Variants in CAST observed in about 807,000 individuals in gnomAD.
CAST encodes MIR583 host.
A neutral mutation model predicts 119.6 loss-of-function variants in CAST; 76 were observed. That is an observed-to-expected ratio of 0.64 (90% CI 0.53 to 0.77). The LOEUF is 0.77. CAST is among the 30% of genes least tolerant of loss of function. CAST has a pLI of 0.00. For synonymous variants in CAST, 319 were observed against 331.6 expected (o/e 0.96, Z 0.41); for missense variants, 953 against 946.5 (o/e 1.01, Z -0.09).
At chr5:96,654,369 A>G (rs903255337) in intron 1 of CAST, among the ~76,000 whole-genome samples, 2 of 151,760 alleles carry the variant, frequency 1.3e-5, no homozygotes, top group African/African-American at 4.8e-5. Context: ...TTTCACTTTC[A>G]CTACTTTCCT....
At chr5:96,135,976 G>A in the CAST span, among the ~76,000 whole-genome samples, 5 of 152,150 alleles carry the variant, frequency 3.3e-5, no homozygotes, top group East Asian at 1.9e-4. Context: ...CAGGAGAATC[G>A]CTTGAACCTG....
At chr5:96,167,969 T>C in the CAST span, among the ~76,000 whole-genome samples, 1 of 152,178 alleles carries the variant, frequency 6.6e-6, no homozygotes, top group Non-Finnish European at 1.5e-5. Flanking sequence ...TAAGGATAGA[T>C]TTCCACCATG....
Position 96,774,379 on chromosome 5 carries a change from G to C in CAST, c.*1763G>C. On this transcript the variant is annotated 3_prime_UTR_variant, in exon 32 of 32. Transcript: ENST00000675179. ...CTTTTTTAATTAGAAATATCTTCGAGACTTGGGTGTTTGTTAATAACTAAT... is the reference window on the plus strand; with the variant it reads ...CTTTTTTAATTAGAAATATCTTCGACACTTGGGTGTTTGTTAATAACTAAT... The C allele has an allele frequency of 2.9e-6, 1 of 342,002 alleles. No individual in the cohort carries two copies. Among genetic ancestry groups the C allele is most frequent in the Non-Finnish European group, 4.2e-6 (1 of 239,950 alleles). The allele number at this position is 342,002 out of a possible 1,614,324, so 21.2% of individuals were successfully genotyped here.
the CAST span, among the ~76,000 whole-genome samples, chr5:95,984,764 T>C: frequency 6.6e-6 from 1 of 152,198 alleles, no homozygotes; most frequent in Admixed American, 6.5e-5. Context: ...TAGATACAAG[T>C]ACTGAGTACT....
chr5:96,642,792 G>A lies in CAST; in HGVS notation c.61-32747G>A, dbSNP rs950487200. On this transcript the variant is annotated intron_variant, in intron 1 of 11. Transcript: ENST00000505143. Reference sequence around the variant, plus strand: ...TCAAACTCCTAACCTCAAGTGATCCGCCCACCTAGGCCTTCCAAAGTGCTG... The same window carrying A: ...TCAAACTCCTAACCTCAAGTGATCCACCCACCTAGGCCTTCCAAAGTGCTG... 5.9e-5 allele frequency among the ~76,000 whole-genome samples: 9 copies of A among 151,950 alleles called. No individual in the cohort carries two copies. In the East Asian group the frequency reaches 7.7e-4, roughly 13 times the overall value.
At chr5:96,407,444 G>A in the CAST span, among the ~76,000 whole-genome samples, 1 of 152,148 alleles carries the variant, frequency 6.6e-6, no homozygotes, top group East Asian at 1.9e-4. Flanking sequence ...AATAAAAGTA[G>A]TTTTGACAAG....
At chr5:96,552,355 G>A (rs1746149732) in intron 1 of CAST, among the ~76,000 whole-genome samples, 1 of 152,176 alleles carries the variant, frequency 6.6e-6, no homozygotes, top group South Asian at 2.1e-4. Flanking sequence ...AAATAAAGAT[G>A]TTCTTTGAAG....
chr5:96,560,437 A>C (rs1003792062), intron 1 of CAST, among the ~76,000 whole-genome samples: 1 of 151,734 alleles, frequency 6.6e-6, no homozygotes, highest in Admixed American at 6.6e-5. Context: ...AAATGGGAGA[A>C]AATTTTTGCA....
chr5:96,222,015 A>T, the CAST span, among the ~76,000 whole-genome samples: 1 of 152,140 alleles, frequency 6.6e-6, no homozygotes, highest in African/African-American at 2.4e-5. Flanking sequence ...GGGAAAGGAC[A>T]TGCTTTTTAA....
the CAST span, among the ~76,000 whole-genome samples, chr5:95,977,070 A>G: frequency 1.3e-5 from 2 of 152,228 alleles, no homozygotes; most frequent in Non-Finnish European, 2.9e-5. Flanking sequence ...ATTAATATTT[A>G]TGTGTCTAGA....
intron 1 of CAST, among the ~76,000 whole-genome samples, chr5:96,603,730 G>GTAC (rs1347120260): frequency 7.0e-6 from 1 of 142,540 alleles, no homozygotes; most frequent in African/African-American, 2.6e-5. Context: ...CAAGTATTAT[G>GTAC]TACTGTACAT....
At chr5:96,529,712 C>A, upstream of CAST, 1 of 341,676 alleles carries the variant, frequency 2.9e-6, no homozygotes. Context: ...GGGCAGTTTC[C>A]CCCATCCTGT....
the CAST span, among the ~76,000 whole-genome samples, chr5:96,467,383 T>A: frequency 0.43 from 65,505 of 151,834 alleles, 14,283 homozygotes; most frequent in East Asian, 0.51. Flanking sequence ...GTATTTTGAA[T>A]AAGTTAGAAA....
At chr5:95,980,556 T>C in the CAST span, 1 of 152,216 alleles carries the variant, frequency 6.6e-6, no homozygotes, top group Non-Finnish European at 1.5e-5. Flanking sequence ...AATTAAAATA[T>C]GAAGCTTTTT....
chr5:96,107,986 G>A, the CAST span, among the ~76,000 whole-genome samples: 4 of 151,514 alleles, frequency 2.6e-5, no homozygotes, highest in East Asian at 7.7e-4. Context: ...ATCTTCCATT[G>A]CTGATACCCT....
chr5:96,308,448 A>G, the CAST span, among the ~76,000 whole-genome samples: 1 of 152,034 alleles, frequency 6.6e-6, no homozygotes, highest in South Asian at 2.1e-4. Context: ...TCTGAAGCCT[A>G]CTTCTGTCAA....
chr5:96,494,978 T>C, the CAST span, among the ~76,000 whole-genome samples: 1 of 151,356 alleles, frequency 6.6e-6, no homozygotes, highest in African/African-American at 2.4e-5. Context: ...ATTAGCCAGG[T>C]GTGTTGGTGG....
chr5:96,713,308 T>C (rs1302305463), intron 3 of CAST, among the ~76,000 whole-genome samples: 1 of 151,994 alleles, frequency 6.6e-6, no homozygotes, highest in East Asian at 1.9e-4. Context: ...ACTTTCTGTA[T>C]TTTTAGTAGA....
At chr5:96,124,806 A>G in the CAST span, among the ~76,000 whole-genome samples, 3 of 152,188 alleles carry the variant, frequency 2.0e-5, no homozygotes, top group Non-Finnish European at 4.4e-5. Context: ...TAACAAAACA[A>G]TGAAATTTTT....
Sources: allele counts gnomAD v4.1 joint callset (sites outside exome capture counted in the v4.1 genomes callset), GRCh38; gene constraint gnomAD v4.1.1; transcripts MANE v1.5; gene names NCBI Gene and HGNC (gene_info 2026-07-23, HGNC 2026-07-21).